ANK3: variants seen among roughly 807,000 people sequenced by gnomAD.
The protein encoded by ANK3 is ankyrin 3.
ANK3 carries 57 observed loss-of-function variants against 370.9 expected under a neutral mutation model. The observed-to-expected ratio is 0.15, with a 90% CI of 0.12 to 0.19. The LOEUF is 0.19. ANK3 is among the 10% of genes least tolerant of loss of function. The pLI, the probability that ANK3 is intolerant of heterozygous loss-of-function variation, is 1.00. For missense variants in ANK3, 4,439 were observed against 5,302.1 expected (o/e 0.84, Z 5.06); for synonymous variants, 1,929 against 1,946.3 (o/e 0.99, Z 0.23).
At chr10:60,188,300 C>A (rs1361331778) in intron 16 of ANK3, among the ~76,000 whole-genome samples, 1 of 152,110 alleles carries the variant, frequency 6.6e-6, no homozygotes, top group Non-Finnish European at 1.5e-5. Flanking sequence ...GGGTCTTCTG[C>A]CCCAAGAAAG....
At chr10:60,583,504 G>GTTTTTTTTTTTTTTTTTT (rs1567163686) in intron 2 of ANK3, among the ~76,000 whole-genome samples, 1 of 131,950 alleles carries the variant, frequency 7.6e-6, no homozygotes, top group African/African-American at 2.8e-5. Flanking sequence ...TTACAGAGAG[G>GTTTTTTTTTTTTTTTTTT]TTTTTTGTTT....
intron 42 of ANK3, among the ~76,000 whole-genome samples, chr10:60,049,028 G>A (rs1183762321): frequency 2.0e-5 from 3 of 152,160 alleles, no homozygotes; most frequent in Non-Finnish European, 4.4e-5. Flanking sequence ...AACATATGGA[G>A]TAAAGAGAAA....
chr10:60,570,016 A>G (rs2077553742), intron 2 of ANK3, among the ~76,000 whole-genome samples: 1 of 152,164 alleles, frequency 6.6e-6, no homozygotes, highest in Non-Finnish European at 1.5e-5. Flanking sequence ...AAAAAGGTAT[A>G]TATATATGTA....
intron 7 of ANK3, among the ~76,000 whole-genome samples, chr10:60,253,116 A>G (rs1481090478): frequency 6.6e-6 from 1 of 152,212 alleles, no homozygotes; most frequent in South Asian, 2.1e-4. Context: ...CAGCATTCTG[A>G]CAGTGCGGTT....
chr10:60,124,566 C>T (rs372139053), intron 25 of ANK3, among the ~76,000 whole-genome samples: 175 of 152,274 alleles, frequency 1.1e-3, no homozygotes, highest in South Asian at 4.6e-3. Flanking sequence ...ATAGCATATC[C>T]TTTTCACATC....
chr10:60,516,086 G>A (rs1358890144), intron 2 of ANK3, among the ~76,000 whole-genome samples: 3 of 152,072 alleles, frequency 2.0e-5, no homozygotes, highest in Non-Finnish European at 4.4e-5. Context: ...CCTATTTATA[G>A]GGGATAGAAT....
chr10:60,611,410 A>G (rs2078199958), intron 2 of ANK3, among the ~76,000 whole-genome samples: 1 of 152,156 alleles, frequency 6.6e-6, no homozygotes, highest in Non-Finnish European at 1.5e-5. Flanking sequence ...GTCTCCCCAC[A>G]TACAGACCTG....
In ANK3 at chr10:60,075,233, G is replaced by C. The variant is rs773106343; in HGVS notation, c.5648C>G (p.Ala1883Gly). The change falls in exon 37 of 44, where the codon GCA (alanine) becomes GGA (glycine). Residue 1883 changes from alanine (A) to glycine (G), a missense_variant. By Grantham distance (60) the Ala-to-Gly change is moderately conservative (BLOSUM62 0). Transcript: ENST00000280772. ...TGTAGACAACTTAAGGGCAGAGGGT[G>C]CAAGGAACAAAGATGACTTAACTGG... is the stretch of plus-strand genomic sequence containing the variant. ...SSPVKSSLFL[A>G]PSALKLSTPS... 23 of 1,614,022 alleles carry C rather than the reference G, an allele frequency of 1.4e-5. No individual in the cohort carries two copies. The highest frequency in any genetic ancestry group is 1.9e-5 in the Non-Finnish European group (23 of 1,180,012).
rs943938930 is a variant in ANK3 at position 60,127,109 on chromosome 10, C to T, written c.2841+7162G>A. On this transcript the variant is annotated intron_variant, in intron 25 of 43. Coordinates refer to ENST00000280772, the MANE Select transcript of ANK3 (RefSeq NM_020987.5). ...ACATTCTACTCCCAGCAGCTTTGGA[C>T]GTATGTCATCTTTATAGCTTAGGAA... 3.3e-5 allele frequency among the ~76,000 whole-genome samples: 5 copies of T among 152,250 alleles called. No homozygotes were observed. The East Asian group carries it at 5.8e-4, about 18-fold the overall frequency.
At chr10:60,474,949 A>G (rs1366289156) in intron 2 of ANK3, among the ~76,000 whole-genome samples, 1 of 152,144 alleles carries the variant, frequency 6.6e-6, no homozygotes, top group Non-Finnish European at 1.5e-5. Flanking sequence ...TATATTTTAA[A>G]ATATCTAAAA....
chr10:60,385,610 C>T (rs942450202), intron 1 of ANK3, among the ~76,000 whole-genome samples: 12 of 152,080 alleles, frequency 7.9e-5, no homozygotes, highest in African/African-American at 2.2e-4. Context: ...TGTTCCTGCT[C>T]TGTCACTGAT....
At chr10:60,372,624 T>A (rs990398708) in intron 1 of ANK3, among the ~76,000 whole-genome samples, 2 of 152,178 alleles carry the variant, frequency 1.3e-5, no homozygotes, top group African/African-American at 4.8e-5. Flanking sequence ...TCACAGGCAA[T>A]TCATAAGCAG....
At position 60,728,061 on chromosome 10, in the gene ANK3, T is replaced by G. The variant is rs576346907; in HGVS notation, c.57+5202A>C. ...CCATGTTCATCGCCTCTTGGTAACT[T>G]GAAATCAGCCATAGTAAAGGTAGGA... On this transcript the variant is annotated intron_variant, in intron 1 of 43. Transcript: ENST00000373827. Among the ~76,000 whole-genome samples the G allele has an allele frequency of 3.9e-5, 6 of 152,338 alleles. No homozygotes were observed. The South Asian group carries it at 1.2e-3, about 32-fold the overall frequency.
intron 2 of ANK3, among the ~76,000 whole-genome samples, chr10:60,415,384 C>T (rs2063640764): frequency 6.6e-6 from 1 of 152,120 alleles, no homozygotes; most frequent in African/African-American, 2.4e-5. Flanking sequence ...GTAAAAAGAA[C>T]CTTTAAATTC....
At chr10:60,082,393 G>T in intron 34 of ANK3, 1 of 687,278 alleles carries the variant, frequency 1.5e-6, no homozygotes, top group East Asian at 2.8e-5. Context: ...AAATCTATGC[G>T]CTACCAGCAG....
chr10:60,080,589 G>T lies in ANK3; in HGVS notation c.4380C>A (p.Phe1460Leu). The change falls in exon 36 of 44, where the codon TTC becomes TTA. Residue 1460 changes from phenylalanine to leucine, a missense_variant. This residue lies in a region of ANK3 where 679 missense variants were observed against 791.0 expected (regional missense o/e 0.86). Coordinates refer to ENST00000280772, the MANE Select transcript of ANK3 (RefSeq NM_020987.5). ...EIEKTDRRQS[F>L]ASLALRKRYS... The stretch of plus-strand genomic sequence containing the variant: ...AGCGCTTACGTAAAGCTAAGGATGC[G>T]AAGCTCTGTCGTCTATCTGTTTTCT... 6.2e-7 allele frequency: 1 copy of T among 1,604,886 alleles called. No individual in the cohort carries two copies. Among genetic ancestry groups the T allele is most frequent in the South Asian group, 1.1e-5 (1 of 88,140 alleles).
At chr10:60,173,275 C>A in intron 18 of ANK3, 89 bp from the exon 19 acceptor site, 1 of 1,081,790 alleles carries the variant, frequency 9.2e-7, no homozygotes, top group South Asian at 1.7e-5. Context: ...ATTATTTAAC[C>A]TTTCTTTTTG....
At chr10:60,434,460 G>A (rs1411059282) in intron 2 of ANK3, among the ~76,000 whole-genome samples, 1 of 152,116 alleles carries the variant, frequency 6.6e-6, no homozygotes, top group Admixed American at 6.5e-5. Context: ...ATAACAAAGT[G>A]AAAACATTTT....
intron 1 of ANK3, among the ~76,000 whole-genome samples, chr10:60,707,424 C>G (rs1033465509): frequency 1.3e-5 from 2 of 152,044 alleles, no homozygotes; most frequent in Non-Finnish European, 2.9e-5. Flanking sequence ...ATTAGAGCCT[C>G]AGTTGTAAAC....
Sources: allele counts gnomAD v4.1 joint callset (sites outside exome capture counted in the v4.1 genomes callset), GRCh38; gene constraint gnomAD v4.1.1; regional missense constraint gnomAD v4.1.1; transcripts MANE v1.5; gene names NCBI Gene and HGNC (gene_info 2026-07-23, HGNC 2026-07-21).